Variants in GSDMC observed in about 807,000 individuals in gnomAD.
GSDMC encodes the protein gasdermin-C.
Under a neutral mutation model 58.0 loss-of-function variants are expected in GSDMC, and 59 were observed. That is an observed-to-expected ratio of 1.02 (90% CI 0.82 to 1.26). The LOEUF (loss-of-function observed/expected upper bound fraction) is 1.26, where lower values mean the gene tolerates loss of function less well. GSDMC is among the 50% of genes most tolerant of loss of function. The probability of loss-of-function intolerance (pLI) is 0.00; values close to 1 mark genes in which losing one functional copy is unlikely to be tolerated. For missense variants in GSDMC, 659 were observed against 598.5 expected, an observed-to-expected ratio of 1.10 and a Z score of -1.06; for synonymous variants, 241 against 220.2, an observed-to-expected ratio of 1.09 and a Z score of -0.83.
chr8:129,733,464 G>A, the GSDMC span, among the ~76,000 whole-genome samples: 1 of 152,210 alleles, frequency 6.6e-6, no homozygotes, highest in African/African-American at 2.4e-5. Context: ...GAAACTTCCA[G>A]AGGAAGGATC....
At chr8:129,752,569 G>C in intron 7 of GSDMC, 129 bp downstream of exon 7, 1 of 1,367,912 alleles carries the variant, frequency 7.3e-7, no homozygotes, top group Non-Finnish European at 9.8e-7. Context: ...GCCAGAGGAG[G>C]ATGAGCAAGA....
chr8:129,782,146 A>T (rs190734137), intron 1 of GSDMC, among the ~76,000 whole-genome samples: 28 of 152,362 alleles, frequency 1.8e-4, no homozygotes, highest in African/African-American at 6.3e-4. Flanking sequence ...ATTGATGAGG[A>T]AATTGAAACA....
At chr8:129,729,964 C>T in the GSDMC span, 3 of 1,513,176 alleles carry the variant, frequency 2.0e-6, no homozygotes, top group African/African-American at 1.4e-5. Context: ...GCGGGGGCAG[C>T]ATGTAAATAC....
chr8:129,763,512 C>A (rs2033748296), intron 4 of GSDMC, among the ~76,000 whole-genome samples: 1 of 152,160 alleles, frequency 6.6e-6, no homozygotes, highest in African/African-American at 2.4e-5. Context: ...TGCATTATGT[C>A]TTTGTTCTCC....
the GSDMC span, among the ~76,000 whole-genome samples, chr8:129,735,120 T>C: frequency 6.6e-6 from 1 of 152,158 alleles, no homozygotes; most frequent in African/African-American, 2.4e-5. Context: ...CCTAAATATA[T>C]ATGCACCCAA....
intron 13 of GSDMC, among the ~76,000 whole-genome samples, chr8:129,748,991 T>A (rs1346340648): frequency 6.6e-6 from 1 of 152,212 alleles, no homozygotes; most frequent in Non-Finnish European, 1.5e-5. Context: ...GTGTTTTTAT[T>A]TCTAAATGTA....
chr8:129,728,180 C>G, the GSDMC span, among the ~76,000 whole-genome samples: 2 of 152,062 alleles, frequency 1.3e-5, no homozygotes, highest in Non-Finnish European at 2.9e-5. Flanking sequence ...CAGCCTGAGT[C>G]TCCTCACCCC....
In GSDMC at chr8:129,777,479, C is replaced by A. The variant is rs1221995002; in HGVS notation, c.109G>T (p.Val37Phe). 1.2e-6 allele frequency: 2 copies of A among 1,613,026 alleles called. No homozygotes were observed. The highest frequency in any genetic ancestry group is 1.7e-6 in the Non-Finnish European group (2 of 1,178,978). The change falls in exon 2 of 14, where the codon GTT (valine) becomes TTT (phenylalanine). Residue 37 changes from valine (V) to phenylalanine (F), a missense_variant. Transcript: ENST00000276708. The stretch of plus-strand genomic sequence containing the variant: ...GAATCCTTCTTCTTTCGTAATATAA[C>A]AAACTGACGTAATTTGGTGGCACTC... Reference protein sequence around the residue: ...LLSATKLRQFVILRKKKDSRS... With the variant: ...LLSATKLRQFFILRKKKDSRS...
the GSDMC span, among the ~76,000 whole-genome samples, chr8:129,723,888 C>G: frequency 6.6e-6 from 1 of 152,178 alleles, no homozygotes; most frequent in Non-Finnish European, 1.5e-5. Flanking sequence ...TTTCCAGACT[C>G]TCAGTGAGGA....
intron 1 of GSDMC, among the ~76,000 whole-genome samples, chr8:129,781,788 A>T (rs2130583499): frequency 6.6e-6 from 1 of 151,812 alleles, no homozygotes; most frequent in South Asian, 2.1e-4. Context: ...TCAACATCTC[A>T]CTTTCAGCAT....
chr8:129,710,794 G>A, the GSDMC span, among the ~76,000 whole-genome samples: 2 of 152,128 alleles, frequency 1.3e-5, no homozygotes, highest in Admixed American at 6.5e-5. Flanking sequence ...CAAGGCTCAT[G>A]GGGGAAAGAT....
chr8:129,731,685 G>A, the GSDMC span, among the ~76,000 whole-genome samples: 89 of 152,264 alleles, frequency 5.8e-4, 1 homozygote, highest in East Asian at 9.3e-3. Flanking sequence ...CACTAACATC[G>A]AGGAGGGCAG....
At chr8:129,760,642 A>AGTCTTTCCC in intron 5 of GSDMC, 53 bp from the exon 6 acceptor site, 76 of 1,016,100 alleles carry the variant, frequency 7.5e-5, no homozygotes, top group Middle Eastern at 2.1e-4. Context: ...TTCCTGCCTG[A>AGTCTTTCCC]ACCTAGACCA....
chr8:129,708,719 C>T, the GSDMC span, among the ~76,000 whole-genome samples: 2 of 152,264 alleles, frequency 1.3e-5, no homozygotes, highest in African/African-American at 4.8e-5. Context: ...TTTATTCAAG[C>T]CTTGCCAGAT....
At chr8:129,750,674 A>C in intron 10 of GSDMC, 104 bp from the exon 11 acceptor site, 2 of 1,175,934 alleles carry the variant, frequency 1.7e-6, no homozygotes, top group Non-Finnish European at 2.4e-6. Context: ...AAACTCCTCT[A>C]TCCCTTTCAG....
At chr8:129,722,275 G>A in the GSDMC span, among the ~76,000 whole-genome samples, 2 of 152,200 alleles carry the variant, frequency 1.3e-5, no homozygotes, top group Non-Finnish European at 1.5e-5. Flanking sequence ...CTCCTTGAAT[G>A]AGAGGGAGAG....
chr8:129,737,801 A>G, the GSDMC span, among the ~76,000 whole-genome samples: 1 of 152,254 alleles, frequency 6.6e-6, no homozygotes, highest in African/African-American at 2.4e-5. Flanking sequence ...CAAAAGCCAA[A>G]ATAGACAAAT....
At chr8:129,735,822 G>A in the GSDMC span, among the ~76,000 whole-genome samples, 5 of 152,152 alleles carry the variant, frequency 3.3e-5, no homozygotes, top group African/African-American at 7.2e-5. Flanking sequence ...AGAACTAAAG[G>A]AGATAGAGAC....
intron 11 of GSDMC, 136 bp downstream of exon 11, chr8:129,750,295 C>G: frequency 9.2e-7 from 1 of 1,082,020 alleles, no homozygotes; most frequent in Non-Finnish European, 1.3e-6. Flanking sequence ...TTGTGCCCGG[C>G]ACCAGAGTCC....
Sources: gnomAD v4.1 joint callset for allele counts (sites outside exome capture counted in the v4.1 genomes callset) on GRCh38, gnomAD v4.1.1 for gene constraint, MANE v1.5 for transcripts, NCBI Gene and HGNC (gene_info 2026-07-23, HGNC 2026-07-21) for gene names.